NDUFS7: variants seen among roughly 807,000 people sequenced by gnomAD.
NDUFS7 encodes NADH:ubiquinone oxidoreductase core subunit S7.
A neutral mutation model predicts 31.1 loss-of-function variants in NDUFS7; 11 were observed. That is an observed-to-expected ratio of 0.35 (90% CI 0.22 to 0.59). The LOEUF is 0.59. Ranked by LOEUF, NDUFS7 falls within the 20% of genes least tolerant of loss-of-function variation. The pLI, the probability that NDUFS7 is intolerant of heterozygous loss-of-function variation, is 0.79. For missense variants in NDUFS7, 263 were observed against 324.2 expected (o/e 0.81, Z 1.45); for synonymous variants, 136 against 127.9 (o/e 1.06, Z -0.43).
chr19:1,394,536 C>A, intron 7 of NDUFS7: 4 of 1,226,892 alleles, frequency 3.3e-6, no homozygotes, highest in Non-Finnish European at 4.1e-6. Context: ...CCCTGCGGAC[C>A]GCGCTCCTCC....
At chr19:1,388,982 C>G (rs774247730) in intron 4 of NDUFS7, 44 bp downstream of exon 4, 3 of 1,485,742 alleles carry the variant, frequency 2.0e-6, no homozygotes, top group Non-Finnish European at 2.8e-6. Flanking sequence ...GCCAGGGCCT[C>G]TCTGCACACT....
chr19:1,385,903 C>T (rs1456612133), intron 1 of NDUFS7, among the ~76,000 whole-genome samples: 1 of 152,212 alleles, frequency 6.6e-6, no homozygotes, highest in Non-Finnish European at 1.5e-5. Context: ...AGTATCTCCT[C>T]TGCTAGGAGC....
intron 5 of NDUFS7, 25 bp from the exon 6 acceptor site, chr19:1,391,094 C>G (rs369479639): frequency 3.1e-6 from 5 of 1,610,306 alleles, no homozygotes; most frequent in Non-Finnish European, 4.2e-6. Context: ...GAGTGAGCTG[C>G]GCACGGACCC....
At position 1,391,126 on chromosome 19, in the gene NDUFS7, A is replaced by G; in HGVS notation, c.416A>G (p.Asp139Gly). The G allele has an allele frequency of 6.2e-7, 1 of 1,612,960 alleles. No individual in the cohort carries two copies. The highest frequency in any genetic ancestry group is 8.5e-7 in the Non-Finnish European group (1 of 1,179,712). ...KMAPALRKVY[D>G]QMPEPRYVVS... The stretch of plus-strand genomic sequence containing the variant: ...ACCCCGCCTCTCTTCCAGGTCTACG[A>G]CCAGATGCCGGAGCCGCGCTACGTG... Residue 139 changes from aspartate (D) to glycine (G), a missense_variant, in exon 6 of 8, where the codon GAC becomes GGC. By Grantham distance (94) the Asp-to-Gly change is moderately conservative (BLOSUM62 -1). Transcript: ENST00000233627.
chr19:1,390,623 G>A (rs936648882), intron 4 of NDUFS7: 4 of 588,904 alleles, frequency 6.8e-6, no homozygotes, highest in Admixed American at 3.0e-5. Flanking sequence ...CACTGGGTTC[G>A]AGGAACTATG....
In NDUFS7 at chr19:1,393,778, T is replaced by C. The variant is rs1407070684; in HGVS notation, c.544+448T>C. 2 of 442,900 alleles carry C rather than the reference T, an allele frequency of 4.5e-6. No individual in the cohort carries two copies. The highest frequency in any genetic ancestry group is 4.2e-5 in the East Asian group (1 of 24,070). 27.4% of individuals were successfully genotyped at this position (442,900 alleles called of 1,614,324 possible). A position where few individuals can be genotyped will look rare whatever the true frequency, so the allele number is the denominator to read the frequency against. On this transcript the variant is annotated intron_variant, in intron 7 of 7. Coordinates refer to ENST00000233627, the MANE Select transcript of NDUFS7 (RefSeq NM_024407.5). The surrounding 1 kb of genome is among the most constrained non-coding windows in gnomAD (Gnocchi z 7.3). The stretch of plus-strand genomic sequence containing the variant: ...TGGGAGGCTTAGTTTGACTGTGAGG[T>C]TAGGGTGAATTTGACCATCAGGAAA...
intron 4 of NDUFS7, 110 bp downstream of exon 4, chr19:1,389,048 C>T (rs780556136): frequency 3.3e-6 from 3 of 903,350 alleles, no homozygotes; most frequent in Non-Finnish European, 5.3e-6. Flanking sequence ...ACAACACATG[C>T]ATGCACACTC....
At chr19:1,383,983 C>A in intron 1 of NDUFS7, 41 bp downstream of exon 1, 1 of 1,546,468 alleles carries the variant, frequency 6.5e-7, no homozygotes. Context: ...CCGCGCGGGT[C>A]TGGGGCCGTG....
intron 1 of NDUFS7, among the ~76,000 whole-genome samples, chr19:1,387,379 T>C (rs2082514280): frequency 6.6e-6 from 1 of 152,180 alleles, no homozygotes; most frequent in South Asian, 2.1e-4. Context: ...GGGGTCCTGG[T>C]GTAGGCGGGA....
chr19:1,395,121 A>G lies in NDUFS7; in HGVS notation c.545-270A>G, dbSNP rs541121109. 6.6e-6 allele frequency: 9 copies of G among 1,357,112 alleles called. No homozygotes were observed. In the East Asian group the frequency reaches 2.1e-4, roughly 31 times the overall value. 84.1% of individuals were successfully genotyped at this position (1,357,112 alleles called of 1,614,324 possible). ...GGCCGGGGGCCGGGTTAGTGAGGTC[A>G]GCGTCTTGTCCGAGAGGTCCCTGTG... On this transcript the variant is annotated intron_variant, in intron 7 of 7. Coordinates refer to ENST00000233627, the MANE Select transcript of NDUFS7 (RefSeq NM_024407.5).
Position 1,394,578 on chromosome 19 carries a change from G to A in NDUFS7, c.545-813G>A, listed in dbSNP as rs266816. ...GGGGACCGCGCTCCTCCCTCCCTGC[G>A]GACCGCGCTCGGCCCTCCCTGGGGA... On this transcript the variant is annotated intron_variant, in intron 7 of 7. Transcript: ENST00000233627. 0.029 allele frequency: 35,266 copies of A among 1,229,536 alleles called. 5,316 individuals carry two copies. The African/African-American group carries it at 0.43, about 15-fold the overall frequency. 76.2% of individuals were successfully genotyped at this position (1,229,536 alleles called of 1,614,324 possible).
In NDUFS7 at chr19:1,393,570, C is replaced by T. The variant is rs1322355753; in HGVS notation, c.544+240C>T. ...AGGGGAAGCTGAGTGGAATTCCTGA[C>T]ACACGCCTGGTTTACAGCAGTTTCA... On this transcript the variant is annotated intron_variant, in intron 7 of 7. Coordinates refer to ENST00000233627, the MANE Select transcript of NDUFS7 (RefSeq NM_024407.5). This position sits in a 1 kb window ranked among gnomAD's most constrained non-coding sequence, Gnocchi z 7.3. The T allele has an allele frequency of 1.2e-5, 8 of 643,588 alleles. No homozygotes were observed. Among genetic ancestry groups the T allele is most frequent in the Non-Finnish European group, 1.4e-5 (5 of 353,398 alleles). 39.9% of individuals were successfully genotyped at this position (643,588 alleles called of 1,614,324 possible). A position where few individuals can be genotyped will look rare whatever the true frequency, so the allele number is the denominator to read the frequency against.
intron 3 of NDUFS7, 45 bp downstream of exon 3, chr19:1,388,638 C>T: frequency 1.3e-6 from 2 of 1,578,376 alleles, no homozygotes; most frequent in Non-Finnish European, 1.7e-6. Flanking sequence ...TCGCCCCACC[C>T]CCATCCCTTC....
chr19:1,385,253 G>A (rs1378676538), intron 1 of NDUFS7, among the ~76,000 whole-genome samples: 1 of 152,220 alleles, frequency 6.6e-6, no homozygotes, highest in Non-Finnish European at 1.5e-5. Context: ...GGTGGCTCAC[G>A]CCTGTAATCC....
chr19:1,391,579 C>G (rs1438576152), intron 6 of NDUFS7, among the ~76,000 whole-genome samples: 1 of 151,302 alleles, frequency 6.6e-6, no homozygotes, highest in African/African-American at 2.4e-5. Flanking sequence ...CTCCGCCTCC[C>G]AGGTTCAAGC....
Position 1,383,938 on chromosome 19 carries a change from G to A in NDUFS7, c.12G>A (p.Leu4=). The change falls in exon 1 of 8, where the codon CTG becomes CTA. Residue 4 remains leucine (L), a synonymous_variant. Coordinates refer to ENST00000233627, the MANE Select transcript of NDUFS7 (RefSeq NM_024407.5). ...AGGCCGAGGCCAAGATGGCGGTGCTGTCAGGTGAGCGCGGCACCGGCGGCG... is the reference window on the plus strand; with the variant it reads ...AGGCCGAGGCCAAGATGGCGGTGCTATCAGGTGAGCGCGGCACCGGCGGCG... MAV[L]SAPGLRGFRI... 3 of 1,578,924 alleles carry A rather than the reference G, an allele frequency of 1.9e-6. No individual in the cohort carries two copies. The highest frequency in any genetic ancestry group is 1.7e-4 in the Middle Eastern group (1 of 5,792).
In NDUFS7 at chr19:1,383,942, G is replaced by A; in HGVS notation, c.16G>A (p.Ala6Thr). MAVLS[A>T]PGLRGFRILG... ...CGAGGCCAAGATGGCGGTGCTGTCAGGTGAGCGCGGCACCGGCGGCGGGTG... is the reference window on the plus strand; with the variant it reads ...CGAGGCCAAGATGGCGGTGCTGTCAAGTGAGCGCGGCACCGGCGGCGGGTG... The change falls in exon 1 of 8, where the codon GCT becomes ACT. Residue 6 changes from alanine to threonine, a missense_variant and splice_region_variant. By Grantham distance (58) the Ala-to-Thr change is moderately conservative. Coordinates refer to ENST00000233627, the MANE Select transcript of NDUFS7 (RefSeq NM_024407.5). 1 of 1,576,750 alleles carries A rather than the reference G, an allele frequency of 6.3e-7. No individual in the cohort carries two copies. The highest frequency in any genetic ancestry group is 8.6e-7 in the Non-Finnish European group (1 of 1,162,756).
intron 6 of NDUFS7, chr19:1,392,093 C>T (rs2082561772): frequency 1.3e-5 from 2 of 151,188 alleles, no homozygotes; most frequent in African/African-American, 4.9e-5. Context: ...GTGATCCACC[C>T]ACCTCAGCCT....
At chr19:1,385,517 A>T (rs2082502039) in intron 1 of NDUFS7, among the ~76,000 whole-genome samples, 1 of 142,868 alleles carries the variant, frequency 7.0e-6, no homozygotes, top group South Asian at 2.2e-4. Context: ...CCGTCTCAAA[A>T]ACAAAAACAA....
Sources: allele counts gnomAD v4.1 joint callset (sites outside exome capture counted in the v4.1 genomes callset), GRCh38; gene constraint gnomAD v4.1.1; non-coding constraint Gnocchi (gnomAD v3.1); transcripts MANE v1.5; gene names NCBI Gene and HGNC (gene_info 2026-07-23, HGNC 2026-07-21).